Variants in FNIP2 observed in about 807,000 individuals in gnomAD.
FNIP2 encodes the protein folliculin interacting protein 2, also known as folliculin-interacting protein 2.
In FNIP2, 32 loss-of-function variants were observed where a neutral mutation model predicts 108.7. The ratio of observed to expected loss-of-function variants is 0.29; its 90% CI spans 0.22 to 0.40. The LOEUF is 0.40. Among genes scored for constraint, FNIP2 ranks in the 10% least tolerant of loss-of-function variants. The pLI is 1.00. For missense variants in FNIP2, 1,202 were observed against 1,381.6 expected, an observed-to-expected ratio of 0.87 and a Z score of 2.06; for synonymous variants, 480 against 496.7, an observed-to-expected ratio of 0.97 and a Z score of 0.45.
intron 15 of FNIP2, chr4:158,893,823 C>G: frequency 2.7e-6 from 2 of 729,436 alleles, no homozygotes; most frequent in Admixed American, 5.3e-5. Flanking sequence ...CAGTTGATAT[C>G]TTGGTTATCA....
chr4:158,876,470 C>T (rs1781289462), intron 14 of FNIP2, among the ~76,000 whole-genome samples: 1 of 152,210 alleles, frequency 6.6e-6, no homozygotes, highest in Non-Finnish European at 1.5e-5. Context: ...TCCACCTTTC[C>T]TCACACCTCT....
chr4:158,904,376 G>A, intron 16 of FNIP2, 90 bp from the exon 17 acceptor site: 2 of 1,191,600 alleles, frequency 1.7e-6, no homozygotes, highest in Non-Finnish European at 1.2e-6. Context: ...TTAGTACCTA[G>A]AAATAATACT....
At chr4:158,800,853 A>G (rs1042931509) in intron 1 of FNIP2, among the ~76,000 whole-genome samples, 1 of 152,036 alleles carries the variant, frequency 6.6e-6, no homozygotes, top group African/African-American at 2.4e-5. Flanking sequence ...AAGATGTGCC[A>G]CTCATTCATT....
chr4:158,856,450 T>C (rs749170746), intron 8 of FNIP2, among the ~76,000 whole-genome samples: 16 of 152,234 alleles, frequency 1.1e-4, no homozygotes, highest in Non-Finnish European at 1.8e-4. Context: ...TATCGATAAG[T>C]GTTAACAAAA....
rs1729819111 is a variant in FNIP2, at chr4:158,906,075, G to C, written c.*1531G>C. On this transcript the variant is annotated 3_prime_UTR_variant, in exon 17 of 17. Transcript: ENST00000264433. ...AATGTAGATGAGTGCATTAAGTTTT[G>C]TAAGATCTTTATCATTTTATGTCAT... The C allele has an allele frequency of 6.6e-6, 1 of 152,138 alleles. No individual in the cohort carries two copies. The highest frequency in any genetic ancestry group is 1.5e-5 in the Non-Finnish European group (1 of 68,020). 9.4% of individuals were successfully genotyped at this position (152,138 alleles called of 1,614,324 possible).
At chr4:158,777,054 C>T (rs945250121) in intron 1 of FNIP2, among the ~76,000 whole-genome samples, 14 of 152,126 alleles carry the variant, frequency 9.2e-5, no homozygotes, top group Admixed American at 2.6e-4. Context: ...CTAAAAAAAC[C>T]TTTAAGAAGA....
At chr4:158,858,503 G>A (rs1204980739) in intron 8 of FNIP2, among the ~76,000 whole-genome samples, 2 of 152,136 alleles carry the variant, frequency 1.3e-5, no homozygotes, top group African/African-American at 4.8e-5. Context: ...AAATTTTACT[G>A]TAGCAGAAGA....
intron 14 of FNIP2, among the ~76,000 whole-genome samples, chr4:158,874,768 T>G (rs1781162512): frequency 6.6e-6 from 1 of 151,900 alleles, no homozygotes; most frequent in Admixed American, 6.6e-5. Flanking sequence ...AAATGAAAAT[T>G]ACTGTCAGAG....
intron 1 of FNIP2, among the ~76,000 whole-genome samples, chr4:158,816,177 C>T (rs1374452685): frequency 6.6e-6 from 1 of 152,130 alleles, no homozygotes; most frequent in South Asian, 2.1e-4. Context: ...ATCTTGCAAA[C>T]GAGAGACCTT....
At chr4:158,792,096 G>A (rs1027471042) in intron 1 of FNIP2, among the ~76,000 whole-genome samples, 1 of 151,948 alleles carries the variant, frequency 6.6e-6, no homozygotes, top group African/African-American at 2.4e-5. Flanking sequence ...AGAGCAAGAC[G>A]CTGTCTCAAT....
In FNIP2 at chr4:158,772,635, G is replaced by C. The variant is rs559935702; in HGVS notation, c.107+3316G>C. On this transcript the variant is annotated intron_variant, in intron 1 of 16. Coordinates refer to ENST00000264433, the MANE Select transcript of FNIP2 (RefSeq NM_020840.3). Reference sequence around the variant, plus strand: ...AGAAGAGTATACCTAAGGCCAAATGGCCTAGTAAGTGCTGATCCCCACTGT... The same window carrying C: ...AGAAGAGTATACCTAAGGCCAAATGCCCTAGTAAGTGCTGATCCCCACTGT... Among the ~76,000 whole-genome samples the C allele has an allele frequency of 2.0e-5, 3 of 152,278 alleles. No homozygotes were observed. The East Asian group carries it at 5.8e-4, about 29-fold the overall frequency.
intron 1 of FNIP2, 35 bp from the exon 2 acceptor site, chr4:158,825,881 A>G (rs1778127503): frequency 6.3e-7 from 1 of 1,592,616 alleles, no homozygotes; most frequent in Non-Finnish European, 8.6e-7. Context: ...TGTGCTGCAG[A>G]TAACATAACT....
chr4:158,798,843 A>C (rs1168048522), intron 1 of FNIP2, among the ~76,000 whole-genome samples: 1 of 152,252 alleles, frequency 6.6e-6, no homozygotes, highest in Non-Finnish European at 1.5e-5. Flanking sequence ...CCCTAATGGC[A>C]ATAATATGTA....
rs1030816214 is a variant in FNIP2, at chr4:158,773,891, A to T, written c.107+4572A>T. Among the ~76,000 whole-genome samples the T allele has an allele frequency of 3.9e-5, 6 of 152,306 alleles. No individual in the cohort carries two copies. The East Asian group carries it at 1.2e-3, about 29-fold the overall frequency. ...TGTTTGTTTTTTCAAAGTTATTTGC[A>T]AGTTTTTATTATTAAGAATAAAATT... On this transcript the variant is annotated intron_variant, in intron 1 of 16. Transcript: ENST00000264433.
intron 7 of FNIP2, among the ~76,000 whole-genome samples, chr4:158,849,666 C>G (rs918804957): frequency 6.6e-6 from 1 of 152,106 alleles, no homozygotes; most frequent in African/African-American, 2.4e-5. Context: ...TCTCTTCTAA[C>G]TCCTTTCAAA....
At chr4:158,844,563 C>A (rs769068077) in intron 7 of FNIP2, among the ~76,000 whole-genome samples, 1 of 152,164 alleles carries the variant, frequency 6.6e-6, no homozygotes, top group Admixed American at 6.5e-5. Flanking sequence ...ATAGTAGTTA[C>A]CACTGTCTGA....
chr4:158,899,410 A>G (rs1308154150), intron 16 of FNIP2, among the ~76,000 whole-genome samples: 1 of 152,196 alleles, frequency 6.6e-6, no homozygotes, highest in Non-Finnish European at 1.5e-5. Context: ...ATTGTTTGGA[A>G]TAGTTTCAGA....
chr4:158,789,784 C>A (rs1047130349), intron 1 of FNIP2, among the ~76,000 whole-genome samples: 2 of 150,214 alleles, frequency 1.3e-5, no homozygotes, highest in African/African-American at 4.9e-5. Context: ...TCTGAGTAAA[C>A]GCAATGAGAG....
intron 14 of FNIP2, chr4:158,890,177 A>G: frequency 1.0e-6 from 1 of 983,254 alleles, no homozygotes; most frequent in Non-Finnish European, 1.2e-6. Context: ...TGAACAGACA[A>G]ATAAATGTTG....
Sources: allele counts gnomAD v4.1 joint callset (sites outside exome capture counted in the v4.1 genomes callset), GRCh38; gene constraint gnomAD v4.1.1; transcripts MANE v1.5; gene names NCBI Gene and HGNC (gene_info 2026-07-23, HGNC 2026-07-21).